Variants in ARHGAP33 observed in about 807,000 individuals in gnomAD.
ARHGAP33 encodes the protein rho GTPase-activating protein 33.
ARHGAP33 carries 57 observed loss-of-function variants against 126.2 expected under a neutral mutation model. The observed-to-expected ratio is 0.45, with a 90% CI of 0.36 to 0.56. The LOEUF is 0.56. Ranked by LOEUF, ARHGAP33 falls within the 20% of genes least tolerant of loss-of-function variation. The pLI is 0.00. For missense variants in ARHGAP33, 1,500 were observed against 1,748.3 expected (o/e 0.86, Z 2.53); for synonymous variants, 711 against 755.0 (o/e 0.94, Z 0.95).
rs1972224708 is a variant in ARHGAP33, at chr19:35,788,157, G to A, written c.3592G>A (p.Asp1198Asn). The A allele has an allele frequency of 6.2e-7, 1 of 1,604,870 alleles. No homozygotes were observed. Among genetic ancestry groups the A allele is most frequent in the Admixed American group, 1.7e-5 (1 of 59,192 alleles). ...TCCTGCCCACCCCCGAAGCCGTTCA[G>A]ATCCCGGTCCCCCAGTCCCCCGCCT... Reference protein sequence around the residue: ...SPPAHPRSRSDPGPPVPRLPQ... With the variant: ...SPPAHPRSRSNPGPPVPRLPQ... Residue 1198 changes from aspartate (D) to asparagine (N), a missense_variant, in exon 21 of 21, where the codon GAT becomes AAT. Transcript: ENST00000007510.
chr19:35,784,070 T>C, intron 15 of ARHGAP33, 102 bp from the exon 16 acceptor site: 1 of 1,011,946 alleles, frequency 9.9e-7, no homozygotes. Flanking sequence ...TCAGAGGTGT[T>C]GAATAGACAG....
Position 35,781,082 on chromosome 19 carries a change from G to A in ARHGAP33, c.982+10G>A. 6.2e-7 allele frequency: 1 copy of A among 1,611,498 alleles called. No homozygotes were observed. Among genetic ancestry groups the A allele is most frequent in the Non-Finnish European group, 8.5e-7 (1 of 1,179,546 alleles). ...AACTCAGGCCAGGATGGTGAGGCCG[G>A]GGCCCACCCACCCCACCCGTCACAC... On this transcript the variant is annotated intron_variant, in intron 11 of 20. Coordinates refer to ENST00000007510, the MANE Select transcript of ARHGAP33 (RefSeq NM_001366178.1).
Position 35,786,814 on chromosome 19 carries a change from C to T in ARHGAP33, c.2344C>T (p.Arg782Trp), listed in dbSNP as rs763331582. The change falls in exon 20 of 21, where the codon CGG (arginine) becomes TGG (tryptophan). Residue 782 changes from arginine (R) to tryptophan (W), a missense_variant. Arg to Trp is a moderately radical substitution (Grantham distance 101). Around this residue, in one of 6 missense-constraint regions of ARHGAP33, gnomAD observed 73 missense variants for 110.8 expected, o/e 0.66. Coordinates refer to ENST00000007510, the MANE Select transcript of ARHGAP33 (RefSeq NM_001366178.1). The surrounding 1 kb of genome is among the most constrained non-coding windows in gnomAD (Gnocchi z 7.0). ...GGTGACCCCCCAGGCCATCTCGCCC[C>T]GGGGGCCCACCAGCCCCGCCTCGCC... is the stretch of plus-strand genomic sequence containing the variant. The part of the protein sequence containing the change: ...PRVTPQAISP[R>W]GPTSPASPAA... 26 of 1,534,836 alleles carry T rather than the reference C, an allele frequency of 1.7e-5. No individual in the cohort carries two copies. The highest frequency in any genetic ancestry group is 1.7e-4 in the Middle Eastern group (1 of 5,730).
intron 1 of ARHGAP33, 41 bp downstream of exon 1, chr19:35,775,705 T>A: frequency 6.6e-7 from 1 of 1,521,188 alleles, no homozygotes; most frequent in Non-Finnish European, 8.8e-7. Context: ...CGTCCGGATG[T>A]CAGTCTGTCC....
intron 1 of ARHGAP33, among the ~76,000 whole-genome samples, chr19:35,776,068 C>T (rs2146671368): frequency 6.6e-6 from 1 of 150,920 alleles, no homozygotes; most frequent in South Asian, 2.1e-4. Context: ...TCCTCCTCCC[C>T]ACAGCCCCTT....
At chr19:35,778,800 A>C (rs1464175595) in intron 5 of ARHGAP33, 199 bp downstream of exon 5, 1 of 946,106 alleles carries the variant, frequency 1.1e-6, no homozygotes, top group Non-Finnish European at 1.5e-6. Flanking sequence ...GATCATGGGG[A>C]GTTCCAGGGG....
In ARHGAP33 at chr19:35,788,030, C is replaced by G. The variant is rs745959595; in HGVS notation, c.3465C>G (p.Pro1155=). The part of the protein sequence containing the change: ...FPPDHLGYSA[P]QHPARRPTPP... ...CTGACCACCTTGGCTACTCAGCCCC[C>G]CAGCACCCTGCTCGGCGCCCTACAC... The change falls in exon 21 of 21, where the codon CCC becomes CCG. Residue 1155 remains proline (P), a synonymous_variant. Coordinates refer to ENST00000007510, the MANE Select transcript of ARHGAP33 (RefSeq NM_001366178.1). The G allele has an allele frequency of 6.2e-7, 1 of 1,610,282 alleles. No homozygotes were observed. Among genetic ancestry groups the G allele is most frequent in the East Asian group, 2.2e-5 (1 of 44,648 alleles).
At position 35,788,047 on chromosome 19, in the gene ARHGAP33, G is replaced by T; in HGVS notation, c.3482G>T (p.Arg1161Leu). 1.2e-6 allele frequency: 2 copies of T among 1,605,672 alleles called. No homozygotes were observed. The highest frequency in any genetic ancestry group is 1.1e-5 in the South Asian group (1 of 90,684). Residue 1161 changes from arginine (R) to leucine (L), a missense_variant, in exon 21 of 21, where the codon CGC (arginine) becomes CTC (leucine). Physicochemically the swap from Arg to Leu is moderately radical, Grantham distance 102. This residue lies in a region of ARHGAP33 where 642 missense variants were observed against 634.0 expected (regional missense o/e 1.01). Coordinates refer to ENST00000007510, the MANE Select transcript of ARHGAP33 (RefSeq NM_001366178.1). ...GYSAPQHPAR[R>L]PTPPEPLYVN... The stretch of plus-strand genomic sequence containing the variant: ...TCAGCCCCCCAGCACCCTGCTCGGC[G>T]CCCTACACCGCCTGAGCCCCTCTAC...
intron 16 of ARHGAP33, chr19:35,784,749 C>T (rs1325452514): frequency 1.5e-6 from 2 of 1,356,174 alleles, no homozygotes; most frequent in Non-Finnish European, 1.9e-6. Context: ...CTGCCGGGAG[C>T]TGCCTCCTCA....
intron 19 of ARHGAP33, chr19:35,785,869 C>G (rs1451904801): frequency 3.5e-6 from 4 of 1,142,020 alleles, no homozygotes; most frequent in Non-Finnish European, 4.3e-6. Context: ...CTTTCCAGGT[C>G]TGATCATACA....
In ARHGAP33 at chr19:35,782,946, T is replaced by C; in HGVS notation, c.1421+77T>C. 7.8e-7 allele frequency: 1 copy of C among 1,283,808 alleles called. No homozygotes were observed. Among genetic ancestry groups the C allele is most frequent in the Non-Finnish European group, 1.1e-6 (1 of 917,612 alleles). The allele number at this position is 1,283,808 out of a possible 1,614,324, so 79.5% of individuals were successfully genotyped here. On this transcript the variant is annotated intron_variant, in intron 15 of 20. Transcript: ENST00000007510. The surrounding 1 kb of genome is among the most constrained non-coding windows in gnomAD (Gnocchi z 4.1). Reference sequence around the variant, plus strand: ...CCAGGAACCCGCCCAGCTTTTCTTTTGTTTATTCATCGAATACGTGTCTAT... The same window carrying C: ...CCAGGAACCCGCCCAGCTTTTCTTTCGTTTATTCATCGAATACGTGTCTAT...
In ARHGAP33 at chr19:35,787,680, G is replaced by A; in HGVS notation, c.3115G>A (p.Glu1039Lys). The A allele has an allele frequency of 1.3e-6, 2 of 1,594,256 alleles. No homozygotes were observed. Among genetic ancestry groups the A allele is most frequent in the Non-Finnish European group, 1.7e-6 (2 of 1,174,552 alleles). The change falls in exon 21 of 21, where the codon GAG (glutamate) becomes AAG (lysine). Residue 1039 changes from glutamate (E) to lysine (K), a missense_variant. Physicochemically the swap from Glu to Lys is moderately conservative, Grantham distance 56. Transcript: ENST00000007510. ...CGGCTTCTTCTCCCCAGCCCCCAGG[G>A]AGTGCCTGCCACCCTTCCTCGGGGT... The part of the protein sequence containing the change: ...TPGFFSPAPR[E>K]CLPPFLGVPK...
intron 5 of ARHGAP33, 148 bp downstream of exon 5, chr19:35,778,749 C>T (rs1389592911): frequency 1.8e-5 from 21 of 1,195,156 alleles, no homozygotes; most frequent in East Asian, 2.6e-5. Context: ...GCCTTAGAAA[C>T]GTAGTAGGCT....
chr19:35,779,865 C>T (rs190443096), intron 6 of ARHGAP33: 39 of 477,526 alleles, frequency 8.2e-5, no homozygotes, highest in East Asian at 1.9e-4. Context: ...TGTGCCACCA[C>T]GCCCAGCACA....
rs1470239268 is a variant in ARHGAP33, at chr19:35,784,232, G to A, written c.1482G>A (p.Val494=). The A allele has an allele frequency of 2.5e-6, 4 of 1,612,374 alleles. No individual in the cohort carries two copies. Among genetic ancestry groups the A allele is most frequent in the Non-Finnish European group, 3.4e-6 (4 of 1,179,010 alleles). ...CGGCGGCGTTCCGGGAAGTTCGGGT[G>A]CAGTCGGTGGTGGTGGAGTTTCTGC... The part of the protein sequence containing the change: ...GGAAAFREVR[V]QSVVVEFLLT... The change falls in exon 16 of 21, where the codon GTG becomes GTA. Residue 494 remains valine (V), a synonymous_variant. Transcript: ENST00000007510.
At position 35,787,935 on chromosome 19, in the gene ARHGAP33, C is replaced by T; in HGVS notation, c.3370C>T (p.Gln1124Ter). ...CAATGCCTCCTACGGCATGCTTGGC[C>T]AATCACCCCCACTCCACAGGTCCCC... ...RLNASYGMLG[Q>*]SPPLHRSPDF... Residue 1124 changes from glutamine to a stop codon, truncating the protein, a stop_gained, in exon 21 of 21, where the codon CAA becomes TAA. Transcript: ENST00000007510. LOFTEE classifies it high-confidence loss of function. 4 of 1,600,102 alleles carry T rather than the reference C, an allele frequency of 2.5e-6. No homozygotes were observed. Among genetic ancestry groups the T allele is most frequent in the Non-Finnish European group, 3.4e-6 (4 of 1,173,434 alleles).
chr19:35,788,490 A>G lies in ARHGAP33; in HGVS notation c.*61A>G, dbSNP rs1356535974. On this transcript the variant is annotated 3_prime_UTR_variant, in exon 21 of 21. Transcript: ENST00000007510. ...ACCCTCACTGGATCTTGGCCCAACC[A>G]AATCCCTTGTTTTGTATTTTCTTGA... The G allele has an allele frequency of 5.0e-6, 7 of 1,393,932 alleles. No individual in the cohort carries two copies. The highest frequency in any genetic ancestry group is 6.6e-6 in the Non-Finnish European group (7 of 1,054,188). The allele number at this position is 1,393,932 out of a possible 1,614,324, so 86.3% of individuals were successfully genotyped here.
intron 6 of ARHGAP33, among the ~76,000 whole-genome samples, chr19:35,779,391 C>G (rs1395577191): frequency 6.6e-6 from 1 of 152,114 alleles, no homozygotes; most frequent in South Asian, 2.1e-4. Flanking sequence ...TGGGCTGTAA[C>G]TCACAGAACA....
In ARHGAP33 at chr19:35,782,909, C is replaced by A; in HGVS notation, c.1421+40C>A. 6.5e-7 allele frequency: 1 copy of A among 1,540,252 alleles called. No individual in the cohort carries two copies. Among genetic ancestry groups the A allele is most frequent in the Non-Finnish European group, 8.8e-7 (1 of 1,132,246 alleles). On this transcript the variant is annotated intron_variant, in intron 15 of 20. Transcript: ENST00000007510. The surrounding 1 kb of genome is among the most constrained non-coding windows in gnomAD (Gnocchi z 4.1). ...CGCCTGCCTGCCCCTCAGGTCTTTC[C>A]CCAAAACCACCCCAGGAACCCGCCC... is the stretch of plus-strand genomic sequence containing the variant.
Sources: allele counts gnomAD v4.1 joint callset (sites outside exome capture counted in the v4.1 genomes callset), GRCh38; gene constraint gnomAD v4.1.1; regional missense constraint gnomAD v4.1.1; non-coding constraint Gnocchi (gnomAD v3.1); transcripts MANE v1.5; gene names NCBI Gene and HGNC (gene_info 2026-07-23, HGNC 2026-07-21).